WDR91: variants seen among roughly 807,000 people sequenced by gnomAD.
WDR91 encodes the protein WD repeat domain 91, also known as WD repeat-containing protein 91.
A neutral mutation model predicts 88.4 loss-of-function variants in WDR91; 52 were observed. The observed-to-expected ratio is 0.59, with a 90% confidence interval of 0.47 to 0.74. The LOEUF (loss-of-function observed/expected upper bound fraction) is 0.74. Ranked by LOEUF, WDR91 falls within the 30% of genes least tolerant of loss-of-function variation. The pLI is 0.00. For missense variants in WDR91, 824 were observed against 954.5 expected, an observed-to-expected ratio of 0.86 and a Z score of 1.80; for synonymous variants, 362 against 389.5, an observed-to-expected ratio of 0.93 and a Z score of 0.83.
Position 135,188,961 on chromosome 7 carries a change from T to G in WDR91, c.1768+383A>C, listed in dbSNP as rs1181200315. Among the ~76,000 whole-genome samples, 5 of 152,336 alleles carry G rather than the reference T, an allele frequency of 3.3e-5. 1 individual carries two copies. In the South Asian group the frequency reaches 1.0e-3, roughly 32 times the overall value. On this transcript the variant is annotated intron_variant, in intron 12 of 14. Transcript: ENST00000354475. The stretch of plus-strand genomic sequence containing the variant: ...GGGGATTTCTACACAGCATGCCAGG[T>G]GATTCTGATGTATGCCTCTGGTTAA...
chr7:135,200,437 A>T (rs1270865347), intron 6 of WDR91: 1 of 152,198 alleles, frequency 6.6e-6, no homozygotes, highest in African/African-American at 2.4e-5. Flanking sequence ...CTAGACAATG[A>T]CACTTGCACA....
At chr7:135,197,771 T>A (rs1831424937) in intron 7 of WDR91, 1 of 527,646 alleles carries the variant, frequency 1.9e-6, no homozygotes, top group African/African-American at 1.9e-5. Context: ...GCCTGCATTT[T>A]CTGGCCCCTA....
chr7:135,191,040 C>T (rs1831144325), intron 11 of WDR91, among the ~76,000 whole-genome samples: 1 of 152,094 alleles, frequency 6.6e-6, no homozygotes, highest in Non-Finnish European at 1.5e-5. Context: ...AATCCACATC[C>T]AGAGAACCAG....
chr7:135,209,156 C>G (rs1169564506), intron 2 of WDR91, among the ~76,000 whole-genome samples, 158 bp from the exon 3 acceptor site: 2 of 151,992 alleles, frequency 1.3e-5, no homozygotes. Context: ...ACTCTTTTCT[C>G]AAGGAACTTG....
intron 5 of WDR91, 41 bp from the exon 6 acceptor site, chr7:135,204,474 G>C (rs1392335101): frequency 6.2e-7 from 1 of 1,604,188 alleles, no homozygotes; most frequent in Admixed American, 1.7e-5. Flanking sequence ...GGCTGAAACA[G>C]GATGTGGAAA....
chr7:135,209,436 C>T, intron 2 of WDR91, 140 bp downstream of exon 2: 2 of 801,374 alleles, frequency 2.5e-6, no homozygotes, highest in Non-Finnish European at 3.6e-6. Flanking sequence ...GAAAAACAGT[C>T]AAAAATAATT....
chr7:135,187,164 G>C lies in WDR91; in HGVS notation c.1887C>G (p.Ile629Met), dbSNP rs368242889. 2.1e-5 allele frequency: 34 copies of C among 1,614,010 alleles called. No individual in the cohort carries two copies. In the African/African-American group the frequency reaches 4.0e-4, roughly 19 times the overall value. Residue 629 changes from isoleucine (I) to methionine (M), a missense_variant, in exon 14 of 15, where the codon ATC (isoleucine) becomes ATG (methionine). Transcript: ENST00000354475. ...VYSIGEDGKF[I>M]QWNIHKSGLK... ...GGCCACTCTTGTGGATGTTCCACTG[G>C]ATGAACTGCAGTCACAGGGCACAAG...
intron 3 of WDR91, 46 bp from the exon 4 acceptor site, chr7:135,207,248 T>C (rs1831829623): frequency 1.3e-6 from 2 of 1,533,984 alleles, no homozygotes; most frequent in African/African-American, 2.7e-5. Context: ...TGTTTAAACG[T>C]CCTTCCCAAA....
intron 11 of WDR91, among the ~76,000 whole-genome samples, chr7:135,191,776 T>C (rs1325105279): frequency 6.6e-6 from 1 of 152,224 alleles, no homozygotes; most frequent in Non-Finnish European, 1.5e-5. Context: ...ACTGCTTTTC[T>C]TCTCATTATA....
Position 135,196,522 on chromosome 7 carries a change from C to G in WDR91, c.1051-185G>C, listed in dbSNP as rs896346691. ...CACCCTGGGAGAGTGCAGGGCCTGCCCTCCTGACAGCCCCTTCCTGGAGAC... is the reference window on the plus strand; with the variant it reads ...CACCCTGGGAGAGTGCAGGGCCTGCGCTCCTGACAGCCCCTTCCTGGAGAC... On this transcript the variant is annotated intron_variant, in intron 7 of 14. Coordinates refer to ENST00000354475, the MANE Select transcript of WDR91 (RefSeq NM_014149.4). This position sits in a 1 kb window ranked among gnomAD's most constrained non-coding sequence, Gnocchi z 4.2. Among the ~76,000 whole-genome samples the G allele has an allele frequency of 6.6e-6, 1 of 152,110 alleles. No homozygotes were observed. Among genetic ancestry groups the G allele is most frequent in the African/African-American group, 2.4e-5 (1 of 41,418 alleles).
intron 2 of WDR91, 84 bp from the exon 3 acceptor site, chr7:135,209,082 C>A (rs1271760123): frequency 2.5e-6 from 3 of 1,183,556 alleles, no homozygotes; most frequent in African/African-American, 1.5e-5. Context: ...CAGCAGACAA[C>A]CTTTGACTAT....
intron 4 of WDR91, among the ~76,000 whole-genome samples, chr7:135,206,709 ATGTG>A (rs912824530): frequency 2.6e-5 from 4 of 151,494 alleles, no homozygotes; most frequent in Non-Finnish European, 4.4e-5. Context: ...AACTATATAT[ATGTG>A]TGTGTGTGTA....
intron 6 of WDR91, chr7:135,199,574 C>T (rs1308739723): frequency 6.6e-6 from 1 of 152,172 alleles, no homozygotes; most frequent in African/African-American, 2.4e-5. Flanking sequence ...GGCTCTGAAA[C>T]CCCCGTAAGA....
intron 11 of WDR91, among the ~76,000 whole-genome samples, chr7:135,192,222 A>G (rs292572): frequency 0.68 from 102,515 of 150,800 alleles, 35,511 homozygotes; most frequent in Admixed American, 0.79. Flanking sequence ...GGCTCAAGCA[A>G]TTCTCTTGCC....
intron 4 of WDR91, chr7:135,206,903 G>T: frequency 3.4e-6 from 1 of 291,038 alleles, no homozygotes; most frequent in South Asian, 3.7e-5. Flanking sequence ...TATTGTTCAT[G>T]CTACATATCT....
At chr7:135,209,021 CAA>C (rs1202674464) in intron 2 of WDR91, 23 bp from the exon 3 acceptor site, 3 of 1,606,848 alleles carry the variant, frequency 1.9e-6, no homozygotes, top group Non-Finnish European at 2.6e-6. Flanking sequence ...AAGGAGGTAG[CAA>C]GGAGGGAGGA....
chr7:135,192,442 C>T (rs1314679698), intron 11 of WDR91, among the ~76,000 whole-genome samples: 2 of 152,150 alleles, frequency 1.3e-5, no homozygotes, highest in African/African-American at 2.4e-5. Context: ...CTAAGTGAGG[C>T]ACATTTGCCA....
chr7:135,211,030 C>T lies in WDR91; in HGVS notation c.123+350G>A, dbSNP rs948017352. 5 of 656,592 alleles carry T rather than the reference C, an allele frequency of 7.6e-6. No homozygotes were observed. The African/African-American group carries it at 9.0e-5, about 12-fold the overall frequency. 40.7% of individuals were successfully genotyped at this position (656,592 alleles called of 1,614,324 possible). A position where few individuals can be genotyped will look rare whatever the true frequency, so the allele number is the denominator to read the frequency against. On this transcript the variant is annotated intron_variant, in intron 1 of 14. Transcript: ENST00000354475. ...CTTCCACTGCCACTGGAAGCCAACACGAATATCTGTTGCCAAAACGCAACC... is the reference window on the plus strand; with the variant it reads ...CTTCCACTGCCACTGGAAGCCAACATGAATATCTGTTGCCAAAACGCAACC...
chr7:135,206,099 A>C, intron 4 of WDR91, 41 bp from the exon 5 acceptor site: 1 of 1,613,634 alleles, frequency 6.2e-7, no homozygotes. Flanking sequence ...GATCTCACCT[A>C]ACCTTCCCTC....
Sources: gnomAD v4.1 joint callset for allele counts (sites outside exome capture counted in the v4.1 genomes callset) on GRCh38, gnomAD v4.1.1 for gene constraint, Gnocchi (gnomAD v3.1) non-coding constraint, MANE v1.5 for transcripts, NCBI Gene and HGNC (gene_info 2026-07-23, HGNC 2026-07-21) for gene names.